Variants in ARB2A observed in about 807,000 individuals in gnomAD.
ARB2A encodes cotranscriptional regulator ARB2A.
At chr5:93,982,464 G>A in the ARB2A span, among the ~76,000 whole-genome samples, 14 of 152,110 alleles carry the variant, frequency 9.2e-5, no homozygotes, top group South Asian at 2.1e-4. Flanking sequence ...TAAAAGCACC[G>A]GCATCACTAG....
At chr5:93,902,808 T>C in the ARB2A span, among the ~76,000 whole-genome samples, 1 of 152,076 alleles carries the variant, frequency 6.6e-6, no homozygotes, top group Non-Finnish European at 1.5e-5. Flanking sequence ...CCCAAGCTAT[T>C]AAGAAGAGCC....
At chr5:93,764,854 G>A in the ARB2A span, among the ~76,000 whole-genome samples, 1 of 152,182 alleles carries the variant, frequency 6.6e-6, no homozygotes, top group Admixed American at 6.5e-5. Flanking sequence ...GCATGATCAA[G>A]TGGGCTTCAT....
At chr5:93,964,604 A>G in the ARB2A span, 1 of 921,626 alleles carries the variant, frequency 1.1e-6, no homozygotes, top group Non-Finnish European at 1.7e-6. Context: ...AATTGTTGCA[A>G]GTTATTGCTC....
the ARB2A span, among the ~76,000 whole-genome samples, chr5:93,786,300 C>T: frequency 6.6e-6 from 1 of 152,118 alleles, no homozygotes; most frequent in East Asian, 1.9e-4. Flanking sequence ...TAAAATTCTA[C>T]AAGATGGAAA....
At chr5:93,635,021 G>A in the ARB2A span, among the ~76,000 whole-genome samples, 104 of 152,222 alleles carry the variant, frequency 6.8e-4, no homozygotes, top group Middle Eastern at 6.8e-3. Context: ...TGATCCGCCC[G>A]TTCTGGCCTC....
At chr5:93,764,602 A>G in the ARB2A span, among the ~76,000 whole-genome samples, 2 of 152,170 alleles carry the variant, frequency 1.3e-5, no homozygotes, top group Non-Finnish European at 2.9e-5. Flanking sequence ...TCACAGCCGA[A>G]CTCTACAAGA....
At chr5:93,880,771 A>G in the ARB2A span, among the ~76,000 whole-genome samples, 1 of 151,776 alleles carries the variant, frequency 6.6e-6, no homozygotes, top group Admixed American at 6.6e-5. Flanking sequence ...ATCCTTGGGC[A>G]ACACTGCTCT....
chr5:93,971,568 A>AAAAAT, the ARB2A span, among the ~76,000 whole-genome samples: 1 of 127,208 alleles, frequency 7.9e-6, no homozygotes, highest in African/African-American at 3.0e-5. Context: ...ACTCCGTCTC[A>AAAAAT]AAAATAAATA....
the ARB2A span, among the ~76,000 whole-genome samples, chr5:94,004,632 GA>G: frequency 6.6e-6 from 1 of 151,588 alleles, no homozygotes; most frequent in African/African-American, 2.4e-5. Context: ...GTTAAGAGGA[GA>G]AAAGGACAAG....
chr5:93,815,351 A>C, the ARB2A span, among the ~76,000 whole-genome samples: 2 of 152,196 alleles, frequency 1.3e-5, no homozygotes, highest in African/African-American at 4.8e-5. Flanking sequence ...TCTGAGACCA[A>C]AGAAGGTGTT....
chr5:93,779,275 C>G, the ARB2A span, among the ~76,000 whole-genome samples: 2 of 152,128 alleles, frequency 1.3e-5, no homozygotes, highest in Non-Finnish European at 2.9e-5. Flanking sequence ...GCTATTATAT[C>G]TAAATTCAAT....
chr5:93,781,871 T>C, the ARB2A span: 2 of 985,210 alleles, frequency 2.0e-6, no homozygotes, highest in African/African-American at 1.7e-5. Context: ...CAAAAAACTT[T>C]CCAACACCCA....
the ARB2A span, among the ~76,000 whole-genome samples, chr5:93,772,847 T>C: frequency 6.6e-6 from 1 of 152,168 alleles, no homozygotes; most frequent in Admixed American, 6.5e-5. Flanking sequence ...GTGAGCAAGC[T>C]AGAGGACAAG....
chr5:94,100,267 C>T, the ARB2A span, among the ~76,000 whole-genome samples: 6 of 152,102 alleles, frequency 3.9e-5, no homozygotes, highest in Non-Finnish European at 8.8e-5. Flanking sequence ...TTACAAAACA[C>T]TGCTGAAAGA....
At chr5:93,790,942 T>C in the ARB2A span, among the ~76,000 whole-genome samples, 1 of 152,188 alleles carries the variant, frequency 6.6e-6, no homozygotes, top group Non-Finnish European at 1.5e-5. Context: ...TGCTGAAGCA[T>C]AAAGGAGAAA....
At chr5:93,995,892 T>C in the ARB2A span, among the ~76,000 whole-genome samples, 11 of 152,122 alleles carry the variant, frequency 7.2e-5, no homozygotes, top group Non-Finnish European at 1.6e-4. Flanking sequence ...TTGCGGAAAC[T>C]AAAAGAAACT....
chr5:93,716,315 T>C, the ARB2A span, among the ~76,000 whole-genome samples: 1 of 152,180 alleles, frequency 6.6e-6, no homozygotes, highest in African/African-American at 2.4e-5. Context: ...ATCTAGAATA[T>C]TCTTCTCAGC....
At chr5:93,943,577 GTAT>G in the ARB2A span, among the ~76,000 whole-genome samples, 30 of 151,924 alleles carry the variant, frequency 2.0e-4, no homozygotes, top group African/African-American at 7.2e-4. Flanking sequence ...TTTTATTTTC[GTAT>G]TATTATCTAC....
the ARB2A span, among the ~76,000 whole-genome samples, chr5:93,918,430 CTTTT>C: frequency 4.7e-5 from 5 of 107,342 alleles, no homozygotes; most frequent in Non-Finnish European, 7.7e-5. Flanking sequence ...TTCCAAATTT[CTTTT>C]TTTTTTTTTT....
Sources: gnomAD v4.1 joint callset for allele counts (sites outside exome capture counted in the v4.1 genomes callset) on GRCh38, gnomAD v4.1.1 for gene constraint, MANE v1.5 for transcripts, NCBI Gene and HGNC (gene_info 2026-07-23, HGNC 2026-07-21) for gene names.